The following FAM13A variants were observed in gnomAD, a reference collection of about 807,000 sequenced individuals.
FAM13A encodes protein FAM13A.
A neutral mutation model predicts 129.6 loss-of-function variants in FAM13A; 76 were observed. That is an observed-to-expected ratio of 0.59 (90% CI 0.49 to 0.71). FAM13A has a LOEUF of 0.71. Among genes scored for constraint, FAM13A ranks in the 30% least tolerant of loss-of-function variants. The pLI, the probability that FAM13A is intolerant of heterozygous loss-of-function variation, is 0.00. For missense variants in FAM13A, 1,108 were observed against 1,249.3 expected (o/e 0.89, Z 1.70); for synonymous variants, 443 against 449.9 (o/e 0.98, Z 0.20).
In FAM13A at chr4:88,781,156, T is replaced by G; in HGVS notation, c.1458+9A>C. The G allele has an allele frequency of 6.4e-7, 1 of 1,559,368 alleles. No individual in the cohort carries two copies. The highest frequency in any genetic ancestry group is 8.7e-7 in the Non-Finnish European group (1 of 1,148,042). ...TAACAAGTAAAACTTTATAGACGTATTCACTTACCACAAGACCGTCCTGAT... is the reference window on the plus strand; with the variant it reads ...TAACAAGTAAAACTTTATAGACGTAGTCACTTACCACAAGACCGTCCTGAT... On this transcript the variant is annotated intron_variant, in intron 11 of 23. Transcript: ENST00000264344.
intron 4 of FAM13A, among the ~76,000 whole-genome samples, chr4:88,988,812 T>C (rs1011927892): frequency 2.6e-5 from 4 of 152,100 alleles, no homozygotes; most frequent in African/African-American, 9.7e-5. Flanking sequence ...CTGGCCAAGA[T>C]AAATAGTGAG....
At chr4:88,830,069 G>C (rs1016432369) in intron 7 of FAM13A, among the ~76,000 whole-genome samples, 1 of 152,192 alleles carries the variant, frequency 6.6e-6, no homozygotes, top group Non-Finnish European at 1.5e-5. Flanking sequence ...CATAATGGCT[G>C]TCTGAACACT....
Position 88,877,163 on chromosome 4 carries a change from C to T in FAM13A, c.844-25980G>A, listed in dbSNP as rs939706863. Among the ~76,000 whole-genome samples, 4 of 152,102 alleles carry T rather than the reference C, an allele frequency of 2.6e-5. No homozygotes were observed. In the South Asian group the frequency reaches 6.2e-4, roughly 24 times the overall value. ...CAAGTTTTAATTATAATGCCTAATA[C>T]TGAGTCTGATGTATGCAACTGATAC... On this transcript the variant is annotated intron_variant, in intron 6 of 23. Transcript: ENST00000264344.
intron 3 of FAM13A, among the ~76,000 whole-genome samples, chr4:89,014,571 G>A (rs1170270753): frequency 6.6e-6 from 1 of 152,160 alleles, no homozygotes; most frequent in East Asian, 1.9e-4. Context: ...AATATAAATT[G>A]TGAAGATTTC....
intron 14 of FAM13A, among the ~76,000 whole-genome samples, chr4:88,752,993 G>C (rs1334759097): frequency 6.6e-6 from 1 of 152,230 alleles, no homozygotes; most frequent in Non-Finnish European, 1.5e-5. Context: ...CCTGGGGACA[G>C]AGGGCTTTGG....
chr4:88,957,196 C>T (rs1320477313), intron 4 of FAM13A, among the ~76,000 whole-genome samples: 1 of 152,108 alleles, frequency 6.6e-6, no homozygotes, highest in African/African-American at 2.4e-5. Context: ...CATGGAGGCA[C>T]ATGCCGGCAG....
chr4:88,765,761 T>C (rs1311574381), intron 13 of FAM13A, among the ~76,000 whole-genome samples: 1 of 152,180 alleles, frequency 6.6e-6, no homozygotes, highest in Non-Finnish European at 1.5e-5. Context: ...GCAGCTGTGG[T>C]AGAAAGGTGA....
chr4:88,979,414 GT>G (rs1408447982), intron 4 of FAM13A, among the ~76,000 whole-genome samples: 2 of 152,212 alleles, frequency 1.3e-5, no homozygotes, highest in Non-Finnish European at 2.9e-5. Flanking sequence ...AAGGGAAACA[GT>G]TATTAAGTGG....
At chr4:88,964,310 G>A (rs530998622) in intron 4 of FAM13A, among the ~76,000 whole-genome samples, 9 of 152,210 alleles carry the variant, frequency 5.9e-5, no homozygotes, top group African/African-American at 2.2e-4. Flanking sequence ...TCCCCTAAAG[G>A]AGCTTATATT....
chr4:89,049,304 T>G (rs1238292269), intron 1 of FAM13A, among the ~76,000 whole-genome samples: 1 of 152,116 alleles, frequency 6.6e-6, no homozygotes, highest in Non-Finnish European at 1.5e-5. Flanking sequence ...GTTAATGACC[T>G]TAATGCAGTA....
At chr4:88,748,038 C>T (rs1334093347) in intron 17 of FAM13A, among the ~76,000 whole-genome samples, 187 bp from the exon 18 acceptor site, 5 of 152,070 alleles carry the variant, frequency 3.3e-5, no homozygotes, top group Admixed American at 6.5e-5. Flanking sequence ...TACAGGTGCC[C>T]GCCACCACGC....
At chr4:88,731,508 AGCTGT>A (rs1737785014) in intron 22 of FAM13A, 80 bp from the exon 23 acceptor site, 6 of 809,060 alleles carry the variant, frequency 7.4e-6, no homozygotes, top group Non-Finnish European at 1.0e-5. Context: ...ACTCAACAGG[AGCTGT>A]GCAGAAAGGG....
intron 5 of FAM13A, among the ~76,000 whole-genome samples, chr4:88,932,457 C>A (rs1479697451): frequency 6.6e-6 from 1 of 152,194 alleles, no homozygotes; most frequent in African/African-American, 2.4e-5. Context: ...CCCCCAAGGA[C>A]AGGGACATGT....
intron 5 of FAM13A, among the ~76,000 whole-genome samples, chr4:88,908,151 T>G (rs1748466985): frequency 6.6e-6 from 1 of 152,216 alleles, no homozygotes. Flanking sequence ...TAAATAAGTG[T>G]GCATTCCAGT....
chr4:88,861,410 C>T (rs62308744), intron 6 of FAM13A, among the ~76,000 whole-genome samples: 39,621 of 146,140 alleles, frequency 0.27, 5,710 homozygotes, highest in African/African-American at 0.37. Context: ...CTAAACTAAA[C>T]GAAATAATCC....
chr4:88,886,007 A>T (rs1287281596), intron 6 of FAM13A, among the ~76,000 whole-genome samples: 1 of 151,684 alleles, frequency 6.6e-6, no homozygotes, highest in Non-Finnish European at 1.5e-5. Context: ...CAAAAAATAA[A>T]AAAAAAAAAT....
At chr4:88,915,093 C>T (rs1207352377) in intron 5 of FAM13A, among the ~76,000 whole-genome samples, 2 of 152,100 alleles carry the variant, frequency 1.3e-5, no homozygotes, top group African/African-American at 2.4e-5. Context: ...GTAGCAAAGG[C>T]CCATGGCTGA....
chr4:88,837,361 T>A (rs563153466), intron 7 of FAM13A, among the ~76,000 whole-genome samples: 1 of 152,220 alleles, frequency 6.6e-6, no homozygotes, highest in South Asian at 2.1e-4. Flanking sequence ...TATATCTATA[T>A]GTCAATAGAT....
intron 14 of FAM13A, among the ~76,000 whole-genome samples, chr4:88,752,996 G>A (rs1395652170): frequency 6.6e-6 from 1 of 152,162 alleles, no homozygotes; most frequent in Non-Finnish European, 1.5e-5. Flanking sequence ...GGGGACAGAG[G>A]GCTTTGGCAA....
Sources: gnomAD v4.1 joint callset for allele counts (sites outside exome capture counted in the v4.1 genomes callset) on GRCh38, gnomAD v4.1.1 for gene constraint, MANE v1.5 for transcripts, NCBI Gene and HGNC (gene_info 2026-07-23, HGNC 2026-07-21) for gene names.